The following CHCHD6 variants were observed in gnomAD, a reference collection of about 807,000 sequenced individuals.
The protein encoded by CHCHD6 is MICOS complex subunit MIC25.
A neutral mutation model predicts 32.3 loss-of-function variants in CHCHD6; 28 were observed. The ratio of observed to expected loss-of-function variants is 0.87; its 90% CI spans 0.64 to 1.19. The LOEUF is 1.19. Among genes scored for constraint, CHCHD6 ranks in the 50% most tolerant of loss-of-function variants. CHCHD6 has a pLI of 0.00. For missense variants in CHCHD6, 333 were observed against 307.0 expected (o/e 1.08, Z -0.63); for synonymous variants, 122 against 117.5 (o/e 1.04, Z -0.25).
At chr3:126,893,774 G>T (rs1213995627) in intron 5 of CHCHD6, among the ~76,000 whole-genome samples, 4 of 152,162 alleles carry the variant, frequency 2.6e-5, no homozygotes, top group Non-Finnish European at 5.9e-5. Context: ...GACTATCCTG[G>T]GTGTCCTGTG....
rs78886430 is a variant in CHCHD6, at chr3:126,837,790, A to T, written c.412-14857A>T. Among the ~76,000 whole-genome samples the T allele has an allele frequency of 6.1e-3, 930 of 152,338 alleles. 27 individuals are homozygous for T. Among genetic ancestry groups the T allele is most frequent in the Admixed American group, 0.049 (750 of 15,304 alleles). ...TATCTAGGTGTTGCTAAGAGGAAGG[A>T]AGGCTGCAGAGAATGTGGTACTTAT... On this transcript the variant is annotated intron_variant, in intron 4 of 7. Transcript: ENST00000290913.
chr3:126,870,405 A>T (rs1426038520), intron 5 of CHCHD6, among the ~76,000 whole-genome samples: 5 of 151,362 alleles, frequency 3.3e-5, no homozygotes, highest in Non-Finnish European at 1.5e-5. Flanking sequence ...GAGGTCGGGG[A>T]GCTAAGGGCT....
intron 4 of CHCHD6, among the ~76,000 whole-genome samples, chr3:126,829,120 A>C (rs751621186): frequency 6.6e-6 from 1 of 152,142 alleles, no homozygotes; most frequent in Non-Finnish European, 1.5e-5. Flanking sequence ...AAAGCTGCCA[A>C]ATTCCCTCTA....
chr3:126,875,667 G>A (rs901145540), intron 5 of CHCHD6, among the ~76,000 whole-genome samples: 6 of 152,180 alleles, frequency 3.9e-5, no homozygotes, highest in Admixed American at 2.6e-4. Context: ...TTAGAGGTGC[G>A]TCAGTGTCCT....
intron 4 of CHCHD6, among the ~76,000 whole-genome samples, chr3:126,820,375 C>T (rs559559144): frequency 6.6e-6 from 1 of 152,274 alleles, no homozygotes; most frequent in South Asian, 2.1e-4. Context: ...CCTGAGGACC[C>T]TCTTCTAATC....
At chr3:126,949,315 C>T (rs114967167) in intron 6 of CHCHD6, 2,304 of 181,934 alleles carry the variant, frequency 0.013, 28 homozygotes, top group Middle Eastern at 0.033. Flanking sequence ...GAGGTTTGTG[C>T]AGTCATGGAC....
intron 6 of CHCHD6, among the ~76,000 whole-genome samples, chr3:126,940,329 C>T (rs911511440): frequency 5.3e-5 from 8 of 152,186 alleles, no homozygotes; most frequent in African/African-American, 1.9e-4. Flanking sequence ...GTGCTATTTT[C>T]CCTCATCTAT....
intron 5 of CHCHD6, among the ~76,000 whole-genome samples, chr3:126,900,337 G>A (rs1174750066): frequency 8.5e-5 from 13 of 152,176 alleles, no homozygotes; most frequent in Non-Finnish European, 1.9e-4. Context: ...AGAATCAAAG[G>A]AGATACTGTT....
chr3:126,807,312 TTTC>T (rs1157029466), intron 4 of CHCHD6, among the ~76,000 whole-genome samples: 14 of 152,112 alleles, frequency 9.2e-5, no homozygotes, highest in Non-Finnish European at 1.5e-4. Flanking sequence ...AAAAGTTTTT[TTTC>T]TTAAGTTAAA....
In CHCHD6 at chr3:126,709,203, G is replaced by A. The variant is rs549440239; in HGVS notation, c.87+4804G>A. Among the ~76,000 whole-genome samples the A allele has an allele frequency of 2.6e-5, 4 of 152,226 alleles. No homozygotes were observed. The South Asian group carries it at 8.3e-4, about 32-fold the overall frequency. On this transcript the variant is annotated intron_variant, in intron 1 of 7. Coordinates refer to ENST00000290913, the MANE Select transcript of CHCHD6 (RefSeq NM_032343.3). ...TTCCTTTGGACCCATGGATACGGAG[G>A]ACTGACTGTAAACGTAAATGATTAA... is the stretch of plus-strand genomic sequence containing the variant.
chr3:126,951,187 C>T (rs1336283331), intron 6 of CHCHD6, among the ~76,000 whole-genome samples: 1 of 152,196 alleles, frequency 6.6e-6, no homozygotes, highest in Non-Finnish European at 1.5e-5. Flanking sequence ...TCTGTCTCAC[C>T]TGCCGCCATG....
At chr3:126,914,819 AACCTGCCACC>A (rs1559919983) in intron 6 of CHCHD6, 69 bp downstream of exon 6, 5 of 856,240 alleles carry the variant, frequency 5.8e-6, no homozygotes, top group African/African-American at 1.7e-5. Context: ...TGTGGCTTGA[AACCTGCCACC>A]ACCTGCCTAA....
intron 4 of CHCHD6, among the ~76,000 whole-genome samples, chr3:126,798,029 A>T (rs1246861051): frequency 2.6e-5 from 4 of 152,124 alleles, no homozygotes; most frequent in Non-Finnish European, 5.9e-5. Flanking sequence ...ATTTCACCAG[A>T]TTTCCCTCTC....
intron 4 of CHCHD6, among the ~76,000 whole-genome samples, chr3:126,806,610 C>T (rs1282099110): frequency 6.6e-6 from 1 of 152,142 alleles, no homozygotes; most frequent in Non-Finnish European, 1.5e-5. Context: ...GGACTGTAAA[C>T]TAGTTCAACC....
At chr3:126,734,987 G>A (rs971057120) in intron 4 of CHCHD6, among the ~76,000 whole-genome samples, 1 of 152,174 alleles carries the variant, frequency 6.6e-6, no homozygotes, top group African/African-American at 2.4e-5. Context: ...TCCTGGTGAG[G>A]AATCGGTTGA....
intron 4 of CHCHD6, among the ~76,000 whole-genome samples, chr3:126,774,551 C>T (rs991567750): frequency 7.2e-5 from 11 of 152,192 alleles, no homozygotes; most frequent in Non-Finnish European, 2.9e-5. Flanking sequence ...TCTGATACCA[C>T]CCTGGCTGGG....
chr3:126,821,218 C>G (rs1044810521), intron 4 of CHCHD6, among the ~76,000 whole-genome samples: 1 of 152,104 alleles, frequency 6.6e-6, no homozygotes, highest in Non-Finnish European at 1.5e-5. Context: ...TTTATTTTTT[C>G]CATTTGCCAA....
intron 4 of CHCHD6, among the ~76,000 whole-genome samples, chr3:126,765,914 A>C (rs541648165): frequency 3.6e-4 from 55 of 152,366 alleles, no homozygotes; most frequent in African/African-American, 1.2e-3. Context: ...AATCTGCAAG[A>C]AAAAGCAGGA....
intron 5 of CHCHD6, among the ~76,000 whole-genome samples, chr3:126,880,610 T>TC (rs1463488892): frequency 1.3e-5 from 2 of 150,532 alleles, no homozygotes; most frequent in African/African-American, 2.5e-5. Flanking sequence ...AGGTGATGAA[T>TC]AAGGATCTGA....
Sources: allele counts gnomAD v4.1 joint callset (sites outside exome capture counted in the v4.1 genomes callset), GRCh38; gene constraint gnomAD v4.1.1; transcripts MANE v1.5; gene names NCBI Gene and HGNC (gene_info 2026-07-23, HGNC 2026-07-21).